PLD6: variants seen among roughly 807,000 people sequenced by gnomAD.
The protein encoded by PLD6 is phospholipase D family member 6.
PLD6 carries 10 observed loss-of-function variants against 9.7 expected under a neutral mutation model. That is an observed-to-expected ratio of 1.03 (90% CI 0.64 to 1.75). The LOEUF (loss-of-function observed/expected upper bound fraction) is 1.75, where lower values mean the gene tolerates loss of function less well. PLD6 is among the 40% of genes most tolerant of loss of function. The pLI is 0.00. For synonymous variants in PLD6, 152 were observed against 159.2 expected (o/e 0.96, Z 0.34); for missense variants, 334 against 347.6 (o/e 0.96, Z 0.31).
intron 1 of PLD6, among the ~76,000 whole-genome samples, chr17:17,204,130 C>A (rs1375030093): frequency 6.6e-6 from 1 of 152,214 alleles, no homozygotes; most frequent in Non-Finnish European, 1.5e-5. Context: ...ATCGCCCACA[C>A]CTCCTGCCTC....
chr17:17,206,083 G>C lies in PLD6; in HGVS notation c.204C>G (p.Gly68=). ...PGAELAELPE[G]CPCGLPHGES... is the part of the protein sequence containing the mutation. ...CGCCGTGGGGCAGGCCGCACGGGCA[G>C]CCCTCGGGGAGCTCGGCCAGCTCCG... The change falls in exon 1 of 2, where the codon GGC becomes GGG. Residue 68 remains glycine, a synonymous_variant. Coordinates refer to ENST00000321560, the MANE Select transcript of PLD6 (RefSeq NM_178836.4). The C allele has an allele frequency of 6.7e-7, 1 of 1,490,952 alleles. No individual in the cohort carries two copies. Among genetic ancestry groups the C allele is most frequent in the Non-Finnish European group, 8.9e-7 (1 of 1,129,366 alleles). The allele number at this position is 1,490,952 out of a possible 1,614,324, so 92.4% of individuals were successfully genotyped here. A position where few individuals can be genotyped will look rare whatever the true frequency, so the allele number is the denominator to read the frequency against.
intron 1 of PLD6, among the ~76,000 whole-genome samples, chr17:17,205,445 G>A (rs1188433774): frequency 6.6e-6 from 1 of 152,208 alleles, no homozygotes; most frequent in African/African-American, 2.4e-5. Context: ...CCAGGATCCA[G>A]GTTACCAGAG....
chr17:17,203,431 G>A (rs2046691351), intron 1 of PLD6, among the ~76,000 whole-genome samples: 1 of 152,216 alleles, frequency 6.6e-6, no homozygotes, highest in Non-Finnish European at 1.5e-5. Flanking sequence ...CCAGTCAGAG[G>A]TGACCAGGGC....
intron 1 of PLD6, among the ~76,000 whole-genome samples, chr17:17,204,067 G>C (rs2144780758): frequency 6.6e-6 from 1 of 152,208 alleles, no homozygotes; most frequent in Admixed American, 6.5e-5. Flanking sequence ...CGTCCTGTCG[G>C]CACAGCCCTC....
Sources: allele counts gnomAD v4.1 joint callset (sites outside exome capture counted in the v4.1 genomes callset), GRCh38; gene constraint gnomAD v4.1.1; transcripts MANE v1.5; gene names NCBI Gene and HGNC (gene_info 2026-07-23, HGNC 2026-07-21).